Variants in ARPC2 observed in about 807,000 individuals in gnomAD.
The protein encoded by ARPC2 is actin related protein 2/3 complex subunit 2.
ARPC2 carries 4 observed loss-of-function variants against 38.6 expected under a neutral mutation model. The ratio of observed to expected loss-of-function variants is 0.10; its 90% CI spans 0.05 to 0.24. The LOEUF is 0.24. ARPC2 is among the 10% of genes least tolerant of loss of function. ARPC2 has a pLI of 1.00. For synonymous variants in ARPC2, 125 were observed against 140.8 expected (o/e 0.89, Z 0.79); for missense variants, 229 against 387.3 (o/e 0.59, Z 3.43).
intron 6 of ARPC2, 37 bp downstream of exon 6, chr2:218,238,887 C>G (rs752884920): frequency 6.8e-7 from 1 of 1,480,908 alleles, no homozygotes; most frequent in Non-Finnish European, 9.3e-7. Context: ...CTGGATATGG[C>G]TGCTACACCA....
chr2:218,246,721 A>G (rs1690041923), intron 8 of ARPC2, among the ~76,000 whole-genome samples: 2 of 152,138 alleles, frequency 1.3e-5, no homozygotes, highest in South Asian at 4.2e-4. Context: ...CTGTAATCCC[A>G]GCACTTTAAG....
In ARPC2 at chr2:218,252,893, G is replaced by GTCTGTC; in HGVS notation, c.879-998_879-997insTCTGTC. 5 of 456,578 alleles carry GTCTGTC rather than the reference G, an allele frequency of 1.1e-5. 1 individual carries two copies. The highest frequency in any genetic ancestry group is 7.7e-5 in the South Asian group (5 of 64,562). The allele number at this position is 456,578 out of a possible 1,614,324, so 28.3% of individuals were successfully genotyped here. The stretch of plus-strand genomic sequence containing the variant: ...CTTAAAATGAACAGACTGTTCATAA[G>GTCTGTC]CCTCCTCTCTGGGACTTAGAAAGAG... On this transcript the variant is annotated intron_variant, in intron 10 of 10. Coordinates refer to ENST00000315717, the MANE Select transcript of ARPC2 (RefSeq NM_152862.3).
intron 2 of ARPC2, among the ~76,000 whole-genome samples, chr2:218,223,322 A>G (rs919931190): frequency 1.7e-4 from 26 of 152,194 alleles, no homozygotes; most frequent in African/African-American, 5.8e-4. Context: ...GTCGCTTAAT[A>G]GCTGTCTAGG....
At chr2:218,247,232 A>T (rs1358770169) in intron 8 of ARPC2, among the ~76,000 whole-genome samples, 1 of 152,208 alleles carries the variant, frequency 6.6e-6, no homozygotes, top group Non-Finnish European at 1.5e-5. Context: ...TCCAGCCGTG[A>T]TCCACTTACT....
intron 3 of ARPC2, 22 bp from the exon 4 acceptor site, chr2:218,228,716 A>G (rs1229540113): frequency 3.5e-6 from 5 of 1,447,932 alleles, no homozygotes; most frequent in Middle Eastern, 3.5e-4. Flanking sequence ...TTGTTACGCA[A>G]TCTTATTTGC....
chr2:218,241,438 C>A (rs1292676305), intron 7 of ARPC2, among the ~76,000 whole-genome samples: 2 of 152,148 alleles, frequency 1.3e-5, no homozygotes, highest in African/African-American at 4.8e-5. Context: ...TAAAAGTAAG[C>A]CTCTAGAGAG....
At position 218,224,701 on chromosome 2, in the gene ARPC2, T is replaced by TAGA. The variant is rs10627078; in HGVS notation, c.75-1217_75-1216insAAG. 8.5e-5 allele frequency among the ~76,000 whole-genome samples: 13 copies of TAGA among 152,224 alleles called. No individual in the cohort carries two copies. In the South Asian group the frequency reaches 2.7e-3, roughly 32 times the overall value. ...CAGTGCGCTTTTCCTAAGTCACATA[T>TAGA]AGGGCTTTGAAGAAGCAAGGTGAAG... On this transcript the variant is annotated intron_variant, in intron 2 of 10. Transcript: ENST00000315717.
intron 2 of ARPC2, among the ~76,000 whole-genome samples, chr2:218,225,493 T>C (rs574742474): frequency 5.5e-4 from 84 of 152,234 alleles, no homozygotes; most frequent in Non-Finnish European, 9.7e-4. Context: ...CCTTTCTCTT[T>C]AAGCATATTA....
intron 4 of ARPC2, among the ~76,000 whole-genome samples, chr2:218,231,698 C>A (rs1157705317): frequency 6.6e-6 from 1 of 152,166 alleles, no homozygotes; most frequent in Non-Finnish European, 1.5e-5. Flanking sequence ...CAAATAGGAA[C>A]TACAGGTGGC....
chr2:218,228,944 C>G (rs1291656311), intron 4 of ARPC2, 94 bp downstream of exon 4: 1 of 749,872 alleles, frequency 1.3e-6, no homozygotes, highest in Non-Finnish European at 2.3e-6. Flanking sequence ...TAAATCACCC[C>G]CACATGACTA....
intron 5 of ARPC2, chr2:218,236,485 C>G (rs1162957230): frequency 6.6e-6 from 1 of 151,926 alleles, no homozygotes; most frequent in Non-Finnish European, 1.5e-5. Context: ...CCGAAGAGCC[C>G]ATGCTCAACA....
At chr2:218,248,366 G>T (rs13430006) in intron 8 of ARPC2, among the ~76,000 whole-genome samples, 60,797 of 152,092 alleles carry the variant, frequency 0.4, 14,591 homozygotes, top group South Asian at 0.61. Context: ...TTTGCAGATA[G>T]TGAGTAGAGG....
rs1051861623 is a variant in ARPC2 at position 218,246,871 on chromosome 2, G to A, written c.676+1325G>A. On this transcript the variant is annotated intron_variant, in intron 8 of 10. Coordinates refer to ENST00000315717, the MANE Select transcript of ARPC2 (RefSeq NM_152862.3). ...CTATAGTCTATAGTCCCAGCTACTC[G>A]GGCAAGCGAGGCATGGCAATTGCTT... Among the ~76,000 whole-genome samples, 7 of 152,118 alleles carry A rather than the reference G, an allele frequency of 4.6e-5. No individual in the cohort carries two copies. The East Asian group carries it at 5.8e-4, about 13-fold the overall frequency.
At chr2:218,236,848 T>C (rs1689785105) in intron 5 of ARPC2, 1 of 151,548 alleles carries the variant, frequency 6.6e-6, no homozygotes, top group South Asian at 2.1e-4. Context: ...GAAATAGTAA[T>C]GAGGTTTCAG....
chr2:218,224,843 T>G (rs920299289), intron 2 of ARPC2, among the ~76,000 whole-genome samples: 1 of 152,248 alleles, frequency 6.6e-6, no homozygotes, highest in Admixed American at 6.5e-5. Context: ...TCATAAACCA[T>G]GTTATATATT....
At chr2:218,243,861 G>T (rs1489777572) in intron 7 of ARPC2, among the ~76,000 whole-genome samples, 2 of 152,194 alleles carry the variant, frequency 1.3e-5, no homozygotes, top group Admixed American at 1.3e-4. Flanking sequence ...CAAAACTAAT[G>T]AGTGCTAATA....
chr2:218,248,084 A>G lies in ARPC2; in HGVS notation c.677-1280A>G, dbSNP rs567079717. Among the ~76,000 whole-genome samples the G allele has an allele frequency of 3.6e-4, 55 of 152,148 alleles. No individual in the cohort carries two copies. In the South Asian group the frequency reaches 6.6e-3, roughly 18 times the overall value. On this transcript the variant is annotated intron_variant, in intron 8 of 10. Coordinates refer to ENST00000315717, the MANE Select transcript of ARPC2 (RefSeq NM_152862.3). ...CGTGTGCCACTGCGCCCAGCCAGCT[A>G]TACCATTTTTTTCAAGTTTTTGTCT...
At chr2:218,222,003 C>T (rs1020982081) in intron 2 of ARPC2, among the ~76,000 whole-genome samples, 2 of 152,204 alleles carry the variant, frequency 1.3e-5, no homozygotes, top group Non-Finnish European at 2.9e-5. Flanking sequence ...CACCCTGGCT[C>T]ACGCCTGTAA....
Position 218,238,383 on chromosome 2 carries a change from G to T in ARPC2, c.269-281G>T, listed in dbSNP as rs375380742. ...ATCTTTGATACTGATTCAAATTTTT[G>T]ATTAACATTAATTATATATATTTAC... On this transcript the variant is annotated intron_variant, in intron 5 of 10. Coordinates refer to ENST00000315717, the MANE Select transcript of ARPC2 (RefSeq NM_152862.3). Among the ~76,000 whole-genome samples the T allele has an allele frequency of 2.6e-5, 4 of 152,062 alleles. No individual in the cohort carries two copies. The East Asian group carries it at 7.7e-4, about 29-fold the overall frequency.
Sources: gnomAD v4.1 joint callset for allele counts (sites outside exome capture counted in the v4.1 genomes callset) on GRCh38, gnomAD v4.1.1 for gene constraint, MANE v1.5 for transcripts, NCBI Gene and HGNC (gene_info 2026-07-23, HGNC 2026-07-21) for gene names.